The following AATF variants were observed in gnomAD, a reference collection of about 807,000 sequenced individuals.
AATF encodes the protein protein AATF.
A neutral mutation model predicts 63.7 loss-of-function variants in AATF; 48 were observed. That is an observed-to-expected ratio of 0.75 (90% CI 0.60 to 0.96). The LOEUF (loss-of-function observed/expected upper bound fraction) is 0.96, where lower values mean the gene tolerates loss of function less well. Ranked by LOEUF, AATF falls within the 40% of genes least tolerant of loss-of-function variation. AATF has a pLI of 0.00. For synonymous variants in AATF, 258 were observed against 247.7 expected, an observed-to-expected ratio of 1.04 and a Z score of -0.39; for missense variants, 639 against 685.7, an observed-to-expected ratio of 0.93 and a Z score of 0.76.
At chr17:36,990,729 T>C (rs570700641) in intron 7 of AATF, 45 bp from the exon 8 acceptor site, 73 of 1,190,806 alleles carry the variant, frequency 6.1e-5, no homozygotes, top group Non-Finnish European at 8.4e-5. Flanking sequence ...ATTAGTTAGA[T>C]AGCCTTGTTG....
At chr17:36,976,594 C>A (rs1233767865) in intron 4 of AATF, among the ~76,000 whole-genome samples, 2 of 152,120 alleles carry the variant, frequency 1.3e-5, no homozygotes, top group Non-Finnish European at 2.9e-5. Context: ...GTTATTATTT[C>A]TTTTTCAGTT....
intron 8 of AATF, among the ~76,000 whole-genome samples, chr17:37,015,674 C>T (rs1274912457): frequency 2.0e-5 from 3 of 152,114 alleles, no homozygotes; most frequent in Admixed American, 2.0e-4. Context: ...AAGACCATAG[C>T]AACTTTGAAA....
chr17:36,984,061 C>CTCA (rs1181147578), intron 4 of AATF, among the ~76,000 whole-genome samples: 1 of 152,146 alleles, frequency 6.6e-6, no homozygotes, highest in Non-Finnish European at 1.5e-5. Context: ...GAGAAGTCTG[C>CTCA]TCATGCTGGA....
In AATF at chr17:36,968,854, G is replaced by A. The variant is rs539577497; in HGVS notation, c.832+14947G>A. Among the ~76,000 whole-genome samples the A allele has an allele frequency of 3.3e-5, 5 of 152,132 alleles. 1 individual carries two copies. The South Asian group carries it at 1.0e-3, about 32-fold the overall frequency. On this transcript the variant is annotated intron_variant, in intron 4 of 11. Transcript: ENST00000619387. ...AGGCTGGTCTTGAACTCCTGGCTTC[G>A]AGTGATCAAGCGATCCTTCTGCCTC...
At chr17:37,014,772 T>C (rs968833913) in intron 8 of AATF, among the ~76,000 whole-genome samples, 16 of 152,252 alleles carry the variant, frequency 1.1e-4, no homozygotes, top group Admixed American at 4.6e-4. Flanking sequence ...CTTTCTGGAT[T>C]ATCCTCTAAA....
intron 11 of AATF, chr17:37,056,349 G>A (rs941876671): frequency 2.1e-5 from 10 of 486,014 alleles, no homozygotes; most frequent in Non-Finnish European, 3.6e-5. Flanking sequence ...GTCTGCAAAG[G>A]GCAAACTTAC....
intron 8 of AATF, among the ~76,000 whole-genome samples, chr17:37,007,788 T>C (rs1354110580): frequency 6.6e-6 from 1 of 152,154 alleles, no homozygotes; most frequent in Non-Finnish European, 1.5e-5. Flanking sequence ...TTTTAGATAC[T>C]CTGAGGTTGG....
chr17:37,027,398 C>T (rs1038428621), intron 10 of AATF, among the ~76,000 whole-genome samples: 5 of 151,928 alleles, frequency 3.3e-5, no homozygotes, highest in Admixed American at 6.6e-5. Flanking sequence ...TGCAGTGGCA[C>T]CGAGACTAGA....
intron 8 of AATF, among the ~76,000 whole-genome samples, chr17:36,995,407 A>G (rs1339421091): frequency 6.6e-6 from 1 of 152,220 alleles, no homozygotes; most frequent in Admixed American, 6.5e-5. Flanking sequence ...TTGACATGAC[A>G]GTTTAATTAA....
In AATF at chr17:37,019,037, C is replaced by T. The variant is rs776252531; in HGVS notation, c.1431C>T (p.Ser477=). 7 of 1,614,140 alleles carry T rather than the reference C, an allele frequency of 4.3e-6. No individual in the cohort carries two copies. Among genetic ancestry groups the T allele is most frequent in the Non-Finnish European group, 5.9e-6 (7 of 1,179,998 alleles). ...LLRELIERKT[S]SLDPNDQVAM... is the part of the protein sequence containing the mutation. Reference sequence around the variant, plus strand: ...GAGAACTCATAGAACGGAAGACCAGCTCCTTGGATCCCAACGATCAGGTGG... The same window carrying T: ...GAGAACTCATAGAACGGAAGACCAGTTCCTTGGATCCCAACGATCAGGTGG... Residue 477 remains serine (S), a synonymous_variant, in exon 9 of 12, where the codon AGC becomes AGT. Coordinates refer to ENST00000619387, the MANE Select transcript of AATF (RefSeq NM_012138.4).
At position 36,986,624 on chromosome 17, in the gene AATF, G is replaced by C; in HGVS notation, c.840G>C (p.Lys280Asn). Residue 280 changes from lysine (K) to asparagine (N), a missense_variant, in exon 5 of 12, where the codon AAG (lysine) becomes AAC (asparagine). Lys to Asn is a moderately conservative substitution (Grantham distance 94). Transcript: ENST00000619387. The stretch of plus-strand genomic sequence containing the variant: ...CTGTCCTTTATTTCCCAGGTCACAA[G>C]GCACTTAAAGCATTGTTGAGGTCAT... Reference protein sequence around the residue: ...EFSSALKNSHKALKALLRSLV... With the variant: ...EFSSALKNSHNALKALLRSLV... 1.2e-6 allele frequency: 2 copies of C among 1,613,184 alleles called. No individual in the cohort carries two copies. Among genetic ancestry groups the C allele is most frequent in the Non-Finnish European group, 1.7e-6 (2 of 1,179,176 alleles).
intron 10 of AATF, among the ~76,000 whole-genome samples, chr17:37,030,889 T>G (rs1284065235): frequency 6.6e-6 from 1 of 152,202 alleles, no homozygotes; most frequent in African/African-American, 2.4e-5. Flanking sequence ...TGAAAAATGC[T>G]TAAGATATAT....
At chr17:36,950,691 G>T (rs2070848655) in intron 2 of AATF, among the ~76,000 whole-genome samples, 1 of 152,136 alleles carries the variant, frequency 6.6e-6, no homozygotes, top group African/African-American at 2.4e-5. Context: ...TAGAGACGGG[G>T]TTTGTCCATG....
intron 4 of AATF, among the ~76,000 whole-genome samples, chr17:36,976,209 AG>A (rs1347862449): frequency 2.6e-5 from 4 of 152,250 alleles, no homozygotes; most frequent in African/African-American, 9.6e-5. Flanking sequence ...ATAACCCTCA[AG>A]GGTACATTGA....
At chr17:36,982,816 A>T (rs184470239) in intron 4 of AATF, among the ~76,000 whole-genome samples, 57 of 152,166 alleles carry the variant, frequency 3.7e-4, no homozygotes, top group Admixed American at 6.5e-4. Flanking sequence ...CATGATCCCA[A>T]ACTGAAACTC....
chr17:36,954,035 C>A, intron 4 of AATF, 128 bp downstream of exon 4: 2 of 939,616 alleles, frequency 2.1e-6, no homozygotes, highest in Non-Finnish European at 1.6e-6. Flanking sequence ...CTTGCTCTCC[C>A]CTCCCCATCC....
intron 11 of AATF, among the ~76,000 whole-genome samples, chr17:37,048,165 G>A (rs763343743): frequency 6.6e-6 from 1 of 151,952 alleles, no homozygotes; most frequent in Non-Finnish European, 1.5e-5. Flanking sequence ...TCCTCCTTGG[G>A]TTGTTGGGGG....
chr17:37,050,250 G>A (rs924910774), intron 11 of AATF, among the ~76,000 whole-genome samples: 6 of 152,202 alleles, frequency 3.9e-5, no homozygotes, highest in Admixed American at 3.9e-4. Context: ...CCCAAATGGA[G>A]TGGTTTGTCT....
chr17:36,952,810 T>C (rs2070865725), intron 2 of AATF, 76 bp from the exon 3 acceptor site: 3 of 1,536,480 alleles, frequency 2.0e-6, no homozygotes, highest in Non-Finnish European at 2.6e-6. Context: ...AGTGCTTAAG[T>C]TGAAATGAAG....
Sources: allele counts gnomAD v4.1 joint callset (sites outside exome capture counted in the v4.1 genomes callset), GRCh38; gene constraint gnomAD v4.1.1; transcripts MANE v1.5; gene names NCBI Gene and HGNC (gene_info 2026-07-23, HGNC 2026-07-21).